The following USP28 variants were observed in gnomAD, a reference collection of about 807,000 sequenced individuals.
USP28 encodes the protein ubiquitin specific peptidase 28.
Under a neutral mutation model 145.0 loss-of-function variants are expected in USP28, and 113 were observed. That is an observed-to-expected ratio of 0.78 (90% CI 0.67 to 0.91). USP28 has a LOEUF of 0.91. Among genes scored for constraint, USP28 ranks in the 40% least tolerant of loss-of-function variants. USP28 has a pLI of 0.00. For synonymous variants in USP28, 447 were observed against 450.9 expected (o/e 0.99, Z 0.11); for missense variants, 1,201 against 1,289.6 (o/e 0.93, Z 1.05).
intron 20 of USP28, 56 bp downstream of exon 21, chr11:113,804,812 G>A (rs1565325323): frequency 6.2e-7 from 1 of 1,611,350 alleles, no homozygotes; most frequent in East Asian, 2.2e-5. Context: ...CCCCAACAGA[G>A]GAGTCCATCT....
intron 9 of USP28, among the ~76,000 whole-genome samples, chr11:113,830,446 T>C (rs1053546511): frequency 6.6e-6 from 1 of 152,216 alleles, no homozygotes; most frequent in Non-Finnish European, 1.5e-5. Context: ...AAATAAATTA[T>C]GTGCCTTGCA....
At chr11:113,849,332 G>A (rs1436833917) in intron 3 of USP28, among the ~76,000 whole-genome samples, 1 of 152,222 alleles carries the variant, frequency 6.6e-6, no homozygotes, top group Non-Finnish European at 1.5e-5. Context: ...CAGTTCCAAG[G>A]TGAATGGACA....
chr11:113,817,948 G>C (rs1941998718), intron 12 of USP28, 111 bp from the exon 13 acceptor site: 1 of 1,152,488 alleles, frequency 8.7e-7, no homozygotes, highest in South Asian at 1.5e-5. Context: ...CTTATTCCTA[G>C]AGGCTATACA....
At chr11:113,870,824 T>G (rs1291016357) in intron 1 of USP28, among the ~76,000 whole-genome samples, 1 of 152,198 alleles carries the variant, frequency 6.6e-6, no homozygotes, top group Non-Finnish European at 1.5e-5. Context: ...CTGAATACAT[T>G]GTCACTGGAA....
Position 113,823,593 on chromosome 11 carries a change from T to G in USP28, c.1283+12A>C. On this transcript the variant is annotated intron_variant, in intron 12 of 24. Coordinates refer to ENST00000003302, the Ensembl canonical transcript of USP28. ...TTTTACATTTCTAAGCATGAAGGTG[T>G]CCAAAACTCACCTTTCCAATTTTTG... 1.9e-6 allele frequency: 3 copies of G among 1,587,616 alleles called. No individual in the cohort carries two copies. Among genetic ancestry groups the G allele is most frequent in the Non-Finnish European group, 2.6e-6 (3 of 1,158,980 alleles).
At chr11:113,841,793 T>C (rs1326207082) in intron 3 of USP28, 25 bp from the exon 4 acceptor site, 1 of 1,523,404 alleles carries the variant, frequency 6.6e-7, no homozygotes. Flanking sequence ...GAAATTTAAT[T>C]AGTCTATATA....
chr11:113,821,606 G>A (rs961163541), intron 12 of USP28: 1 of 185,010 alleles, frequency 5.4e-6, no homozygotes, highest in African/African-American at 2.3e-5. Context: ...CAGCTTTCCT[G>A]TCCAGGGACT....
intron 1 of USP28, among the ~76,000 whole-genome samples, chr11:113,863,512 G>GCGCGTGCC (rs938002185): frequency 1.3e-5 from 2 of 152,008 alleles, no homozygotes; most frequent in African/African-American, 4.8e-5. Flanking sequence ...GGGTGTGGTG[G>GCGCGTGCC]CGCGTGCCTG....
chr11:113,856,004 C>T (rs1947008747), intron 1 of USP28, among the ~76,000 whole-genome samples: 1 of 152,220 alleles, frequency 6.6e-6, no homozygotes, highest in South Asian at 2.1e-4. Context: ...GAATCCTACC[C>T]TGCTGAGACC....
chr11:113,808,022 C>A, intron 18 of USP28: 13 of 1,243,774 alleles, frequency 1.0e-5, no homozygotes, highest in Non-Finnish European at 1.3e-5. Flanking sequence ...ACTTCAGAGA[C>A]CTCAGAATTA....
chr11:113,855,110 CTAAT>C lies in USP28; in HGVS notation c.58-779_58-776del, dbSNP rs1425045752. On this transcript the variant is annotated intron_variant, in intron 1 of 24. Coordinates refer to ENST00000003302, the Ensembl canonical transcript of USP28. Reference sequence around the variant, plus strand: ...AACATATTTAAAACTCTGTGTTTGACTAATTAAAAAGTACAGCTAAAGCTAGAAT... The same window carrying C: ...AACATATTTAAAACTCTGTGTTTGACTAAAAAGTACAGCTAAAGCTAGAAT... Among the ~76,000 whole-genome samples, 5 of 152,280 alleles carry C rather than the reference CTAAT, an allele frequency of 3.3e-5. No homozygotes were observed. In the East Asian group the frequency reaches 9.6e-4, roughly 29 times the overall value.
intron 1 of USP28, chr11:113,874,641 A>T (rs1296742052): frequency 7.8e-7 from 1 of 1,283,378 alleles, no homozygotes; most frequent in Non-Finnish European, 1.0e-6. Context: ...AGGGGTGAGG[A>T]GGTGGTGTTA....
intron 1 of USP28, among the ~76,000 whole-genome samples, chr11:113,861,356 C>T (rs909483983): frequency 6.6e-6 from 1 of 152,036 alleles, no homozygotes; most frequent in African/African-American, 2.4e-5. Flanking sequence ...AGCTAAATTC[C>T]CTGAAATAGA....
chr11:113,871,657 T>C (rs965870162), intron 1 of USP28, among the ~76,000 whole-genome samples: 1 of 152,110 alleles, frequency 6.6e-6, no homozygotes, highest in African/African-American at 2.4e-5. Flanking sequence ...GGGAACCTTT[T>C]CCACTGAAAT....
chr11:113,799,143 C>G, exon 25 of USP28: 1 of 1,358,088 alleles, frequency 7.4e-7, no homozygotes, highest in Non-Finnish European at 1.0e-6. Context: ...CTTATGTGCC[C>G]ACCTAATCCT....
At chr11:113,799,336 A>C in exon 25 of USP28, 3 of 1,614,214 alleles carry the variant, frequency 1.9e-6, no homozygotes, top group South Asian at 1.1e-5. Context: ...GAATAGTTGG[A>C]GGCTCTTTCA....
chr11:113,800,516 C>G (rs1037710853), intron 24 of USP28, among the ~76,000 whole-genome samples: 1 of 150,378 alleles, frequency 6.6e-6, no homozygotes, highest in African/African-American at 2.5e-5. Flanking sequence ...GTCTCAAACT[C>G]CTGGGCTCAA....
chr11:113,808,027 G>A (rs747089133), intron 18 of USP28: 56 of 1,257,244 alleles, frequency 4.5e-5, no homozygotes, highest in Non-Finnish European at 5.2e-5. Flanking sequence ...AGAGACCTCA[G>A]AATTAGGCTG....
intron 1 of USP28, among the ~76,000 whole-genome samples, chr11:113,865,080 T>G (rs1948127339): frequency 2.0e-5 from 3 of 151,884 alleles, no homozygotes; most frequent in Admixed American, 2.0e-4. Context: ...GGTCAAGCAA[T>G]CCCCCCCGTC....
Sources: allele counts gnomAD v4.1 joint callset (sites outside exome capture counted in the v4.1 genomes callset), GRCh38; gene constraint gnomAD v4.1.1; transcripts MANE v1.5; gene names NCBI Gene and HGNC (gene_info 2026-07-23, HGNC 2026-07-21).